CDC42EP4: variants seen among roughly 807,000 people sequenced by gnomAD.
CDC42EP4 encodes CDC42 effector protein (Rho GTPase binding) 4.
A neutral mutation model predicts 5.6 loss-of-function variants in CDC42EP4; 6 were observed. The observed-to-expected ratio is 1.07, with a 90% confidence interval of 0.59 to 2.12. The LOEUF is 2.12. Ranked by LOEUF, CDC42EP4 falls within the 30% of genes most tolerant of loss-of-function variation. CDC42EP4 has a pLI of 0.00. For synonymous variants in CDC42EP4, 230 were observed against 224.2 expected, an observed-to-expected ratio of 1.03 and a Z score of -0.23; for missense variants, 490 against 508.6, an observed-to-expected ratio of 0.96 and a Z score of 0.35.
At chr17:73,291,108 G>A (rs1227604159) in intron 1 of CDC42EP4, among the ~76,000 whole-genome samples, 1 of 152,202 alleles carries the variant, frequency 6.6e-6, no homozygotes, top group Non-Finnish European at 1.5e-5. Flanking sequence ...GGGGTCCCCA[G>A]GATCTTGTTC....
chr17:73,300,100 C>T (rs971593738), intron 1 of CDC42EP4, among the ~76,000 whole-genome samples: 1 of 152,188 alleles, frequency 6.6e-6, no homozygotes, highest in African/African-American at 2.4e-5. Flanking sequence ...AAACCAGAAC[C>T]GTGACCCAAC....
chr17:73,285,527 A>C lies in CDC42EP4; in HGVS notation c.974T>G (p.Phe325Cys). ...AGCCCGGGCCCTGTCCGGCCCCCGG[A>C]AGGCAGGGCTGCGCTCCTCCAGGAT... ...SGILEERSPA[F>C]RGPDRARAAV... The change falls in exon 2 of 2, where the codon TTC becomes TGC. Residue 325 changes from phenylalanine (F) to cysteine (C), a missense_variant. Physicochemically the swap from Phe to Cys is radical, Grantham distance 205. Transcript: ENST00000335793. This position sits in a 1 kb window ranked among gnomAD's most constrained non-coding sequence, Gnocchi z 6.8. 1.9e-6 allele frequency: 3 copies of C among 1,610,574 alleles called. No homozygotes were observed. The highest frequency in any genetic ancestry group is 2.5e-6 in the Non-Finnish European group (3 of 1,178,482).
chr17:73,299,084 A>C (rs1352022800), intron 1 of CDC42EP4, among the ~76,000 whole-genome samples: 6 of 151,986 alleles, frequency 3.9e-5, no homozygotes. Flanking sequence ...CAGTCTCCCA[A>C]GTAGCTGGGG....
chr17:73,296,273 C>T (rs997270657), intron 1 of CDC42EP4, among the ~76,000 whole-genome samples: 7 of 150,964 alleles, frequency 4.6e-5, no homozygotes, highest in Admixed American at 3.3e-4. Context: ...ATAAAATTAG[C>T]TGGGCCTGGT....
At position 73,286,203 on chromosome 17, in the gene CDC42EP4, G is replaced by A. The variant is rs1303689317; in HGVS notation, c.298C>T (p.Arg100Cys). 10 of 1,614,120 alleles carry A rather than the reference G, an allele frequency of 6.2e-6. No homozygotes were observed. The highest frequency in any genetic ancestry group is 2.2e-5 in the East Asian group (1 of 44,880). ...QSVTRGEREQRDMLGSLRDSA... is the reference protein window; with the variant it reads ...QSVTRGEREQCDMLGSLRDSA... ...TCCCGCAGGGAGCCCAGCATGTCAC[G>A]CTGCTCCCGCTCCCCCCTGGTCACC... is the stretch of plus-strand genomic sequence containing the variant. The change falls in exon 2 of 2, where the codon CGT (arginine) becomes TGT (cysteine). Residue 100 changes from arginine to cysteine, a missense_variant. Physicochemically the swap from Arg to Cys is radical, Grantham distance 180. Coordinates refer to ENST00000335793, the MANE Select transcript of CDC42EP4 (RefSeq NM_012121.5). The surrounding 1 kb of genome is among the most constrained non-coding windows in gnomAD (Gnocchi z 7.7).
chr17:73,296,937 C>T (rs1316593428), intron 1 of CDC42EP4, among the ~76,000 whole-genome samples: 2 of 125,462 alleles, frequency 1.6e-5, no homozygotes, highest in Admixed American at 1.0e-4. Flanking sequence ...GCCGAGATAG[C>T]GCCACTGCAG....
intron 1 of CDC42EP4, among the ~76,000 whole-genome samples, chr17:73,301,003 G>A (rs778371826): frequency 4.7e-5 from 7 of 150,512 alleles, no homozygotes; most frequent in Non-Finnish European, 1.0e-4. Flanking sequence ...CAGAGATCAC[G>A]CCATTGCACT....
chr17:73,300,380 A>AG lies in CDC42EP4; in HGVS notation c.-113+11512dup, dbSNP rs201087209. The stretch of plus-strand genomic sequence containing the variant: ...TCAGGGAGGGAGGAGTCTACTGGGA[A>AG]GGGGGGTGAATCAGGGAGAGCAGGG... On this transcript the variant is annotated intron_variant, in intron 1 of 1. Transcript: ENST00000335793. Among the ~76,000 whole-genome samples the AG allele has an allele frequency of 8.3e-3, 1,263 of 152,244 alleles. 11 individuals are homozygous for AG. The highest frequency in any genetic ancestry group is 0.014 in the Non-Finnish European group (921 of 68,010).
intron 1 of CDC42EP4, among the ~76,000 whole-genome samples, chr17:73,311,682 G>T (rs1209899240): frequency 6.6e-6 from 1 of 152,234 alleles, no homozygotes; most frequent in Non-Finnish European, 1.5e-5. Context: ...CACTAGGTGC[G>T]CAGCTTAGGG....
At chr17:73,292,672 G>A (rs1157196562) in intron 1 of CDC42EP4, among the ~76,000 whole-genome samples, 2 of 152,244 alleles carry the variant, frequency 1.3e-5, no homozygotes, top group Non-Finnish European at 2.9e-5. Flanking sequence ...CAAATGATGA[G>A]AAGGAACCAG....
intron 1 of CDC42EP4, among the ~76,000 whole-genome samples, chr17:73,299,982 G>A (rs78310198): frequency 2.6e-3 from 391 of 152,190 alleles, no homozygotes; most frequent in East Asian, 0.014. Flanking sequence ...GGACTCTGCC[G>A]GCATAGTCAG....
chr17:73,288,717 C>T (rs538966182), intron 1 of CDC42EP4, among the ~76,000 whole-genome samples: 20 of 152,284 alleles, frequency 1.3e-4, no homozygotes, highest in Middle Eastern at 3.4e-3. Flanking sequence ...GGCTCCAGGG[C>T]TCCCAGCCTG....
At chr17:73,289,833 GAAGGA>G (rs1017669967) in intron 1 of CDC42EP4, among the ~76,000 whole-genome samples, 10 of 149,884 alleles carry the variant, frequency 6.7e-5, no homozygotes, top group South Asian at 6.3e-4. Context: ...AGAAAGGAAA[GAAGGA>G]AAGGAAAGGA....
chr17:73,293,561 T>TA (rs2062171539), intron 1 of CDC42EP4, among the ~76,000 whole-genome samples: 1 of 152,140 alleles, frequency 6.6e-6, no homozygotes, highest in Non-Finnish European at 1.5e-5. Flanking sequence ...ATCCTACCCC[T>TA]AGGCGGAACT....
intron 1 of CDC42EP4, among the ~76,000 whole-genome samples, chr17:73,301,902 C>G (rs1181518366): frequency 6.6e-6 from 1 of 152,180 alleles, no homozygotes; most frequent in Non-Finnish European, 1.5e-5. Context: ...GTTGGCCAGG[C>G]TGGTCTTCAA....
Position 73,285,573 on chromosome 17 carries a change from G to A in CDC42EP4, c.928C>T (p.Leu310Phe). The A allele has an allele frequency of 6.2e-7, 1 of 1,611,946 alleles. No individual in the cohort carries two copies. The highest frequency in any genetic ancestry group is 8.5e-7 in the Non-Finnish European group (1 of 1,179,568). Residue 310 changes from leucine (L) to phenylalanine (F), a missense_variant, in exon 2 of 2, where the codon CTC (leucine) becomes TTC (phenylalanine). By Grantham distance (22) the Leu-to-Phe change is conservative. Coordinates refer to ENST00000335793, the MANE Select transcript of CDC42EP4 (RefSeq NM_012121.5). This position sits in a 1 kb window ranked among gnomAD's most constrained non-coding sequence, Gnocchi z 6.8. ...AGGATGCCTGAGGTGCAGCTGGAGAGGGAGCTGCTGTCCCGTGTGGTGTGG... is the reference window on the plus strand; with the variant it reads ...AGGATGCCTGAGGTGCAGCTGGAGAAGGAGCTGCTGTCCCGTGTGGTGTGG... ...GSHTTRDSSSLSSCTSGILEE... is the reference protein window; with the variant it reads ...GSHTTRDSSSFSSCTSGILEE...
chr17:73,304,390 T>C (rs994089570), intron 1 of CDC42EP4, among the ~76,000 whole-genome samples: 1 of 151,494 alleles, frequency 6.6e-6, no homozygotes, highest in African/African-American at 2.4e-5. Context: ...CAAGCCATCC[T>C]CCTACCTCTG....
chr17:73,297,864 G>A (rs1184654190), intron 1 of CDC42EP4, among the ~76,000 whole-genome samples: 2 of 151,814 alleles, frequency 1.3e-5, no homozygotes, highest in East Asian at 3.9e-4. Flanking sequence ...TCCCCATGTT[G>A]ACCAGGCTGG....
chr17:73,285,514 G>C lies in CDC42EP4; in HGVS notation c.987C>G (p.Asp329Glu). Residue 329 changes from aspartate (D) to glutamate (E), a missense_variant, in exon 2 of 2, where the codon GAC becomes GAG. Asp to Glu is a conservative substitution (Grantham distance 45, BLOSUM62 2). Transcript: ENST00000335793. This position sits in a 1 kb window ranked among gnomAD's most constrained non-coding sequence, Gnocchi z 6.8. Reference protein sequence around the residue: ...EERSPAFRGPDRARAAVSRQP... With the variant: ...EERSPAFRGPERARAAVSRQP... ...GTCTTGAGACAGCAGCCCGGGCCCT[G>C]TCCGGCCCCCGGAAGGCAGGGCTGC... 1 of 1,609,800 alleles carries C rather than the reference G, an allele frequency of 6.2e-7. No individual in the cohort carries two copies. The highest frequency in any genetic ancestry group is 8.5e-7 in the Non-Finnish European group (1 of 1,177,982).
Sources: allele counts gnomAD v4.1 joint callset (sites outside exome capture counted in the v4.1 genomes callset), GRCh38; gene constraint gnomAD v4.1.1; non-coding constraint Gnocchi (gnomAD v3.1); transcripts MANE v1.5; gene names NCBI Gene and HGNC (gene_info 2026-07-23, HGNC 2026-07-21).